IFT52: variants seen among roughly 807,000 people sequenced by gnomAD.
IFT52 encodes intraflagellar transport protein 52 homolog.
In IFT52, 44 loss-of-function variants were observed where a neutral mutation model predicts 54.4. The ratio of observed to expected loss-of-function variants is 0.81; its 90% CI spans 0.63 to 1.04. The LOEUF is 1.04. Ranked by LOEUF, IFT52 falls within the 50% of genes least tolerant of loss-of-function variation. IFT52 has a pLI of 0.00. For missense variants in IFT52, 452 were observed against 523.6 expected, an observed-to-expected ratio of 0.86 and a Z score of 1.33; for synonymous variants, 181 against 185.3, an observed-to-expected ratio of 0.98 and a Z score of 0.19.
chr20:43,595,416 G>A (rs1450243319), intron 2 of IFT52, among the ~76,000 whole-genome samples: 2 of 151,440 alleles, frequency 1.3e-5, no homozygotes, highest in Non-Finnish European at 2.9e-5. Flanking sequence ...GGGCATGATC[G>A]TGCGTGCCTA....
intron 4 of IFT52, 129 bp downstream of exon 4, chr20:43,604,018 CTCA>C: frequency 1.1e-6 from 1 of 918,028 alleles, no homozygotes; most frequent in Non-Finnish European, 1.7e-6. Context: ...ATGTTCCATT[CTCA>C]TCAGCAGTCT....
At chr20:43,614,387 A>G (rs1983696015) in intron 7 of IFT52, among the ~76,000 whole-genome samples, 1 of 151,674 alleles carries the variant, frequency 6.6e-6, no homozygotes. Flanking sequence ...GGCACCTACC[A>G]CCACGCCCAG....
At chr20:43,600,951 G>A (rs1395676964) in intron 3 of IFT52, among the ~76,000 whole-genome samples, 2 of 152,106 alleles carry the variant, frequency 1.3e-5, no homozygotes, top group Non-Finnish European at 2.9e-5. Flanking sequence ...GGGTGACAGA[G>A]CAAGACTTCA....
chr20:43,604,428 T>C (rs1982699519), intron 5 of IFT52, among the ~76,000 whole-genome samples, 170 bp downstream of exon 5: 1 of 151,996 alleles, frequency 6.6e-6, no homozygotes, highest in Admixed American at 6.6e-5. Flanking sequence ...CAAAAAAAAT[T>C]AGCCAGGCAT....
chr20:43,625,255 A>G lies in IFT52; in HGVS notation c.923+1210A>G, dbSNP rs143065742. On this transcript the variant is annotated intron_variant, in intron 10 of 13. Coordinates refer to ENST00000373030, the MANE Select transcript of IFT52 (RefSeq NM_016004.5). ...GCCAGGCGTGGTGGCTCACACCTGT[A>G]ATCCTAGCACTTTGGGAGGCCAAGA... 7.2e-3 allele frequency among the ~76,000 whole-genome samples: 1,090 copies of G among 152,178 alleles called. 15 individuals are homozygous for G. Among genetic ancestry groups the G allele is most frequent in the African/African-American group, 0.025 (1,056 of 41,520 alleles).
At position 43,646,209 on chromosome 20, in the gene IFT52, CAA is replaced by C. The variant is rs3092766; in HGVS notation, c.1267-712_1267-711del. ...CTGGGTGACAGAGCGAGACTCGTCT[CAA>C]AAAAAAAAAAAAAATTCTATAGTGA... On this transcript the variant is annotated intron_variant, in intron 13 of 13. Coordinates refer to ENST00000373030, the MANE Select transcript of IFT52 (RefSeq NM_016004.5). 1.9e-3 allele frequency among the ~76,000 whole-genome samples: 256 copies of C among 136,286 alleles called. 1 individual carries two copies. The highest frequency in any genetic ancestry group is 3.8e-3 in the Middle Eastern group (1 of 260). 89.4% of individuals were successfully genotyped at this position (136,286 alleles called of 152,430 possible).
chr20:43,616,038 T>A (rs554590925), intron 7 of IFT52, among the ~76,000 whole-genome samples: 114 of 152,294 alleles, frequency 7.5e-4, no homozygotes, highest in African/African-American at 2.5e-3. Context: ...ACCAATTTTT[T>A]AAAAATGTAT....
chr20:43,622,689 A>T, intron 9 of IFT52, among the ~76,000 whole-genome samples: 1 of 147,432 alleles, frequency 6.8e-6, no homozygotes, highest in South Asian at 2.1e-4. Context: ...TACATATTTT[A>T]TGTAAATATA....
intron 10 of IFT52, among the ~76,000 whole-genome samples, chr20:43,632,209 G>A (rs992201948): frequency 6.6e-6 from 1 of 151,996 alleles, no homozygotes; most frequent in Non-Finnish European, 1.5e-5. Flanking sequence ...ACAGGCGTGA[G>A]CCACTGCGCC....
At chr20:43,622,495 C>CG (rs1055245592) in intron 9 of IFT52, among the ~76,000 whole-genome samples, 6 of 151,320 alleles carry the variant, frequency 4.0e-5, no homozygotes, top group Non-Finnish European at 7.4e-5. Flanking sequence ...CCCAGCTACT[C>CG]GGGAGGCTGA....
At chr20:43,601,803 G>C (rs1410054383) in intron 3 of IFT52, among the ~76,000 whole-genome samples, 1 of 152,154 alleles carries the variant, frequency 6.6e-6, no homozygotes, top group Non-Finnish European at 1.5e-5. Flanking sequence ...TCAAAAGGAA[G>C]GAAAAGGAAG....
intron 10 of IFT52, among the ~76,000 whole-genome samples, chr20:43,633,233 C>T (rs918554323): frequency 1.3e-5 from 2 of 151,882 alleles, no homozygotes; most frequent in African/African-American, 4.8e-5. Context: ...ATCCCAGCTA[C>T]TCGGGAGGCT....
intron 2 of IFT52, among the ~76,000 whole-genome samples, chr20:43,595,546 TAA>T (rs1360592452): frequency 6.6e-6 from 1 of 150,840 alleles, no homozygotes; most frequent in Non-Finnish European, 1.5e-5. Flanking sequence ...AGACTCTGTC[TAA>T]AAAAATAAAA....
intron 5 of IFT52, 93 bp from the exon 6 acceptor site, chr20:43,604,909 C>G: frequency 7.6e-7 from 1 of 1,317,856 alleles, no homozygotes; most frequent in South Asian, 1.3e-5. Flanking sequence ...AAGCAATCCT[C>G]CCACCTTAGC....
chr20:43,595,025 GAT>G (rs1228678838), intron 2 of IFT52, among the ~76,000 whole-genome samples: 1 of 151,756 alleles, frequency 6.6e-6, no homozygotes, highest in African/African-American at 2.4e-5. Flanking sequence ...GAGGTCAAGA[GAT>G]CAAGACTGGC....
chr20:43,610,792 G>A (rs1983382510), intron 6 of IFT52, among the ~76,000 whole-genome samples: 1 of 151,970 alleles, frequency 6.6e-6, no homozygotes, highest in Admixed American at 6.6e-5. Context: ...CTTTGTGTCA[G>A]CTTATCCAAC....
At chr20:43,646,647 A>C (rs547677314) in intron 13 of IFT52, among the ~76,000 whole-genome samples, 1 of 152,310 alleles carries the variant, frequency 6.6e-6, no homozygotes, top group African/African-American at 2.4e-5. Context: ...ATGCTAGGAC[A>C]GACACCCGAG....
At chr20:43,617,144 T>G (rs556982752) in intron 7 of IFT52, among the ~76,000 whole-genome samples, 9 of 152,338 alleles carry the variant, frequency 5.9e-5, no homozygotes, top group African/African-American at 1.9e-4. Context: ...CATTCTGAAT[T>G]ACTTTTTTGT....
chr20:43,634,459 A>C (rs1985385972), intron 10 of IFT52, among the ~76,000 whole-genome samples: 1 of 152,226 alleles, frequency 6.6e-6, no homozygotes, highest in African/African-American at 2.4e-5. Flanking sequence ...AAACAGACAG[A>C]AACTAGACTA....
Sources: allele counts gnomAD v4.1 joint callset (sites outside exome capture counted in the v4.1 genomes callset), GRCh38; gene constraint gnomAD v4.1.1; transcripts MANE v1.5; gene names NCBI Gene and HGNC (gene_info 2026-07-23, HGNC 2026-07-21).